NXPH2: variants seen among roughly 807,000 people sequenced by gnomAD.
NXPH2 encodes the protein neurexophilin 2, also known as neurexophilin-2.
A neutral mutation model predicts 19.8 loss-of-function variants in NXPH2; 5 were observed. The observed-to-expected ratio is 0.25, with a 90% CI of 0.13 to 0.53. NXPH2 has a LOEUF of 0.53. Among genes scored for constraint, NXPH2 ranks in the 20% least tolerant of loss-of-function variants. The probability of loss-of-function intolerance (pLI) is 0.96; values close to 1 mark genes in which losing one functional copy is unlikely to be tolerated. For missense variants in NXPH2, 289 were observed against 322.8 expected, an observed-to-expected ratio of 0.90 and a Z score of 0.80; for synonymous variants, 154 against 127.4, an observed-to-expected ratio of 1.21 and a Z score of -1.41.
At chr2:138,698,997 T>G (rs1374199099) in intron 1 of NXPH2, among the ~76,000 whole-genome samples, 1 of 152,196 alleles carries the variant, frequency 6.6e-6, no homozygotes, top group East Asian at 1.9e-4. Context: ...GTTTTGTATA[T>G]TGGATTCTTA....
chr2:138,751,589 C>T (rs1681830788), intron 1 of NXPH2, among the ~76,000 whole-genome samples: 1 of 152,074 alleles, frequency 6.6e-6, no homozygotes, highest in Non-Finnish European at 1.5e-5. Context: ...GACTTTCTAA[C>T]AGGGGAAAGT....
intron 1 of NXPH2, among the ~76,000 whole-genome samples, chr2:138,699,982 T>A (rs1573958755): frequency 6.6e-6 from 1 of 152,178 alleles, no homozygotes; most frequent in Non-Finnish European, 1.5e-5. Context: ...GCTGAATACA[T>A]CCTTGTGCTG....
chr2:138,725,812 AT>A (rs1329938738), intron 1 of NXPH2, among the ~76,000 whole-genome samples: 1 of 152,182 alleles, frequency 6.6e-6, no homozygotes, highest in African/African-American at 2.4e-5. Flanking sequence ...TAAAAAATCC[AT>A]TTACTGTATG....
intron 1 of NXPH2, among the ~76,000 whole-genome samples, chr2:138,729,640 C>A (rs564615260): frequency 2.6e-5 from 4 of 152,212 alleles, no homozygotes; most frequent in African/African-American, 9.6e-5. Context: ...TCTCAAATCA[C>A]GAATCTCTGC....
chr2:138,687,044 T>C (rs1680669430), intron 1 of NXPH2, among the ~76,000 whole-genome samples: 1 of 152,184 alleles, frequency 6.6e-6, no homozygotes, highest in African/African-American at 2.4e-5. Flanking sequence ...GCAGCATGAT[T>C]TATAATTTTT....
rs375524706 is a variant in NXPH2, at chr2:138,725,950, A to T, written c.51+54241T>A. On this transcript the variant is annotated intron_variant, in intron 1 of 1. Coordinates refer to ENST00000272641, the MANE Select transcript of NXPH2 (RefSeq NM_007226.3). ...GTCTCTGTGCTGCAATTCCTTGACT[A>T]TATCTGGATATTCTAGGTTTTTGCA... 1.3e-4 allele frequency among the ~76,000 whole-genome samples: 20 copies of T among 152,260 alleles called. No individual in the cohort carries two copies. In the East Asian group the frequency reaches 3.5e-3, roughly 26 times the overall value.
chr2:138,711,948 C>T (rs1422008616), intron 1 of NXPH2, among the ~76,000 whole-genome samples: 6 of 152,190 alleles, frequency 3.9e-5, no homozygotes, highest in Non-Finnish European at 7.3e-5. Context: ...ATCTAAAGAG[C>T]AACCAGTTAG....
intron 1 of NXPH2, among the ~76,000 whole-genome samples, chr2:138,679,494 G>T (rs1014596196): frequency 6.7e-6 from 1 of 149,890 alleles, no homozygotes; most frequent in Non-Finnish European, 1.5e-5. Flanking sequence ...TCCACCTCCC[G>T]GGTTCACGCC....
intron 1 of NXPH2, among the ~76,000 whole-genome samples, chr2:138,735,205 A>G (rs1034181457): frequency 7.2e-5 from 11 of 152,126 alleles, no homozygotes; most frequent in African/African-American, 2.7e-4. Flanking sequence ...CTGAACTATG[A>G]GACTGATTCT....
intron 1 of NXPH2, among the ~76,000 whole-genome samples, chr2:138,756,554 T>C (rs941212836): frequency 2.6e-5 from 4 of 152,180 alleles, no homozygotes; most frequent in African/African-American, 9.7e-5. Context: ...AGTGTTTAAC[T>C]GAATTTTTAT....
chr2:138,725,998 TTCA>T (rs1314461281), intron 1 of NXPH2, among the ~76,000 whole-genome samples: 1 of 152,210 alleles, frequency 6.6e-6, no homozygotes, highest in Non-Finnish European at 1.5e-5. Context: ...CTCTTCAGCA[TTCA>T]TAACACCTCC....
chr2:138,772,455 C>T (rs775922492), intron 1 of NXPH2, among the ~76,000 whole-genome samples: 7 of 152,110 alleles, frequency 4.6e-5, no homozygotes, highest in Non-Finnish European at 8.8e-5. Context: ...CGCCACCACG[C>T]CTGGCTAATT....
At position 138,780,345 on chromosome 2, in the gene NXPH2, C is replaced by G. The variant is rs1682333750; in HGVS notation, c.-104G>C. ...TGAGGACGCCAGGGACACAGCGCGG[C>G]GCTTCCCTCCCGGAATCCGAGCGCT... On this transcript the variant is annotated 5_prime_UTR_variant, in exon 1 of 2. Coordinates refer to ENST00000272641, the MANE Select transcript of NXPH2 (RefSeq NM_007226.3). 15 of 794,002 alleles carry G rather than the reference C, an allele frequency of 1.9e-5. No homozygotes were observed. In the East Asian group the frequency reaches 9.1e-4, roughly 48 times the overall value. The allele number at this position is 794,002 out of a possible 1,614,324, so 49.2% of individuals were successfully genotyped here. A position where few individuals can be genotyped will look rare whatever the true frequency, so the allele number is the denominator to read the frequency against.
At chr2:138,704,987 G>A (rs901082689) in intron 1 of NXPH2, among the ~76,000 whole-genome samples, 5 of 152,094 alleles carry the variant, frequency 3.3e-5, no homozygotes, top group African/African-American at 1.2e-4. Flanking sequence ...ACTATGCCTG[G>A]CTAATTTTTG....
chr2:138,732,002 TGGGTG>T (rs1361048905), intron 1 of NXPH2, among the ~76,000 whole-genome samples: 10 of 152,284 alleles, frequency 6.6e-5, no homozygotes, highest in Non-Finnish European at 1.2e-4. Context: ...TAGGCTTCTA[TGGGTG>T]GGCAGGTGTG....
At position 138,671,757 on chromosome 2, in the gene NXPH2, A is replaced by G. The variant is rs1680420653; in HGVS notation, c.52-92T>C. ...TCAAAGCGCAAGGGAAATTATTTCAACATTGTTTAGATTCTTGTTCGACAG... is the reference window on the plus strand; with the variant it reads ...TCAAAGCGCAAGGGAAATTATTTCAGCATTGTTTAGATTCTTGTTCGACAG... On this transcript the variant is annotated intron_variant, in intron 1 of 1. Coordinates refer to ENST00000272641, the MANE Select transcript of NXPH2 (RefSeq NM_007226.3). 17 of 1,295,284 alleles carry G rather than the reference A, an allele frequency of 1.3e-5. No homozygotes were observed. The Admixed American group carries it at 2.0e-4, about 15-fold the overall frequency. 80.2% of individuals were successfully genotyped at this position (1,295,284 alleles called of 1,614,324 possible). A position where few individuals can be genotyped will look rare whatever the true frequency, so the allele number is the denominator to read the frequency against.
chr2:138,701,179 T>C (rs1680916867), intron 1 of NXPH2, among the ~76,000 whole-genome samples: 1 of 152,142 alleles, frequency 6.6e-6, no homozygotes, highest in Admixed American at 6.6e-5. Flanking sequence ...GTTTGCAATC[T>C]GCTGGCCCAA....
chr2:138,690,514 T>C (rs1680730673), intron 1 of NXPH2, among the ~76,000 whole-genome samples: 1 of 151,864 alleles, frequency 6.6e-6, no homozygotes, highest in Non-Finnish European at 1.5e-5. Context: ...CTTCTGGCTT[T>C]CCAATGCACA....
At chr2:138,751,540 T>G (rs912033188) in intron 1 of NXPH2, among the ~76,000 whole-genome samples, 3 of 152,182 alleles carry the variant, frequency 2.0e-5, no homozygotes, top group Non-Finnish European at 4.4e-5. Context: ...AACAATTTTT[T>G]CCTTTTACCT....
Sources: gnomAD v4.1 joint callset for allele counts (sites outside exome capture counted in the v4.1 genomes callset) on GRCh38, gnomAD v4.1.1 for gene constraint, MANE v1.5 for transcripts, NCBI Gene and HGNC (gene_info 2026-07-23, HGNC 2026-07-21) for gene names.